VSTM1: variants seen among roughly 807,000 people sequenced by gnomAD.
The protein encoded by VSTM1 is V-set and transmembrane domain-containing protein 1.
A neutral mutation model predicts 33.1 loss-of-function variants in VSTM1; 27 were observed. The ratio of observed to expected loss-of-function variants is 0.82; its 90% CI spans 0.60 to 1.12. The LOEUF (loss-of-function observed/expected upper bound fraction) is 1.12, where lower values mean the gene tolerates loss of function less well. Ranked by LOEUF, VSTM1 falls within the 50% of genes most tolerant of loss-of-function variation. The pLI is 0.00. For missense variants in VSTM1, 304 were observed against 288.9 expected, an observed-to-expected ratio of 1.05 and a Z score of -0.38; for synonymous variants, 115 against 110.3, an observed-to-expected ratio of 1.04 and a Z score of -0.27.
chr19:54,047,441 C>T (rs781772724), intron 4 of VSTM1, among the ~76,000 whole-genome samples: 10 of 151,976 alleles, frequency 6.6e-5, no homozygotes, highest in East Asian at 1.9e-4. Flanking sequence ...TACAAGCACC[C>T]GCCACCTCAC....
intron 1 of VSTM1, among the ~76,000 whole-genome samples, chr19:54,061,719 G>A (rs1376679742): frequency 2.6e-5 from 4 of 152,096 alleles, no homozygotes; most frequent in Admixed American, 6.6e-5. Flanking sequence ...AGAAGGCTGC[G>A]GGGAGGACTG....
intron 3 of VSTM1, among the ~76,000 whole-genome samples, chr19:54,052,662 G>T (rs912197379): frequency 7.0e-6 from 1 of 142,054 alleles, no homozygotes; most frequent in Non-Finnish European, 1.6e-5. Flanking sequence ...TAATTAATTT[G>T]ACTGTGATAA....
rs557559612 is a variant in VSTM1 at position 54,041,458 on chromosome 19, C to T, written c.591+321G>A. Among the ~76,000 whole-genome samples the T allele has an allele frequency of 2.2e-4, 34 of 152,116 alleles. 1 individual carries two copies. The South Asian group carries it at 5.0e-3, about 22-fold the overall frequency. On this transcript the variant is annotated intron_variant, in intron 8 of 8. Coordinates refer to ENST00000338372, the MANE Select transcript of VSTM1 (RefSeq NM_198481.4). ...CTGGGATTACAGGCGCCCACTACCA[C>T]GCCCAGCTAATTTTTTGTATCTTTA...
At chr19:54,058,220 A>C in intron 3 of VSTM1, 86 bp downstream of exon 3, 2 of 1,369,012 alleles carry the variant, frequency 1.5e-6, no homozygotes, top group Non-Finnish European at 2.0e-6. Context: ...AGCCTGGGAG[A>C]CACAGCAAGA....
chr19:54,062,354 G>A (rs1368096441), intron 1 of VSTM1, among the ~76,000 whole-genome samples: 1 of 152,172 alleles, frequency 6.6e-6, no homozygotes, highest in Non-Finnish European at 1.5e-5. Context: ...ATTGGGGGAT[G>A]AGGTCAGTCT....
At chr19:54,052,427 G>A (rs10407326) in intron 3 of VSTM1, among the ~76,000 whole-genome samples, 102,622 of 138,266 alleles carry the variant, frequency 0.74, 42,225 homozygotes, top group African/African-American at 0.77. Context: ...AAATAAAAAT[G>A]AAATGAAATA....
chr19:54,050,861 G>A (rs2070804546), intron 4 of VSTM1, among the ~76,000 whole-genome samples: 1 of 151,574 alleles, frequency 6.6e-6, no homozygotes, highest in Admixed American at 6.6e-5. Flanking sequence ...ATATGGTGGT[G>A]GGTGCCTGTA....
At position 54,058,656 on chromosome 19, in the gene VSTM1, G is replaced by A. The variant is rs191217824; in HGVS notation, c.70+41C>T. ...CGATTAAAGGAAAAGGTCATGAAGC[G>A]TGGGATGCAGGAATAAAAGTTTAAG... On this transcript the variant is annotated intron_variant, in intron 2 of 8. Coordinates refer to ENST00000338372, the MANE Select transcript of VSTM1 (RefSeq NM_198481.4). 43 of 1,613,740 alleles carry A rather than the reference G, an allele frequency of 2.7e-5. No homozygotes were observed. The East Asian group carries it at 4.2e-4, about 16-fold the overall frequency.
At chr19:54,042,109 A>G (rs1002444717) in intron 6 of VSTM1, 60 bp downstream of exon 6, 8 of 1,602,292 alleles carry the variant, frequency 5.0e-6, no homozygotes, top group South Asian at 2.2e-5. Flanking sequence ...GGATGTGCCA[A>G]TGGGTTCCCT....
chr19:54,050,158 C>G (rs1440707002), intron 4 of VSTM1, among the ~76,000 whole-genome samples: 1 of 151,612 alleles, frequency 6.6e-6, no homozygotes, highest in African/African-American at 2.4e-5. Flanking sequence ...ACCACAATGC[C>G]CAGCAAATTT....
rs1323443165 is a variant in VSTM1, at chr19:54,042,381, A to G, written c.395-12T>C. On this transcript the variant is annotated splice_polypyrimidine_tract_variant and intron_variant, in intron 4 of 8. Transcript: ENST00000338372. ...GATGGTTCTGGTGTCTGGAGGGGGA[A>G]GAGCAGGTCAGGGAATCAGCCTGGC... The G allele has an allele frequency of 1.9e-6, 3 of 1,612,104 alleles. No homozygotes were observed. Among genetic ancestry groups the G allele is most frequent in the Non-Finnish European group, 2.5e-6 (3 of 1,179,392 alleles).
At chr19:54,050,859 G>A (rs1568464628) in intron 4 of VSTM1, among the ~76,000 whole-genome samples, 1 of 151,778 alleles carries the variant, frequency 6.6e-6, no homozygotes, top group Non-Finnish European at 1.5e-5. Flanking sequence ...GGATATGGTG[G>A]TGGGTGCCTG....
chr19:54,058,565 G>A lies in VSTM1; in HGVS notation c.96C>T (p.His32=), dbSNP rs746329632. Residue 32 remains histidine (H), a synonymous_variant, in exon 3 of 9, where the codon CAC becomes CAT. Coordinates refer to ENST00000338372, the MANE Select transcript of VSTM1 (RefSeq NM_198481.4). ...KNEKPPKPSL[H]AWPSSVVEAE... ...CTTCAACCACCGAGCTGGGCCAGGC[G>A]TGGAGGGAGGGCTTGGGCGGTTTCT... 61 of 1,613,872 alleles carry A rather than the reference G, an allele frequency of 3.8e-5. No homozygotes were observed. The East Asian group carries it at 5.8e-4, about 15-fold the overall frequency.
chr19:54,042,054 A>G (rs1445576071), intron 6 of VSTM1, 101 bp from the exon 7 acceptor site: 30 of 1,600,396 alleles, frequency 1.9e-5, no homozygotes, highest in Non-Finnish European at 2.4e-5. Context: ...GGAGAGGAGG[A>G]AGGTCACAGA....
chr19:54,052,098 G>A (rs1344723593), intron 3 of VSTM1, among the ~76,000 whole-genome samples: 9 of 151,958 alleles, frequency 5.9e-5, no homozygotes, highest in African/African-American at 1.9e-4. Context: ...TTTAGTCTAA[G>A]TTAAAATATC....
At chr19:54,063,109 G>A (rs1263726251) in intron 1 of VSTM1, among the ~76,000 whole-genome samples, 6 of 152,072 alleles carry the variant, frequency 3.9e-5, no homozygotes, top group Non-Finnish European at 2.9e-5. Flanking sequence ...AGGCTGAGGC[G>A]GGCGGATCAC....
In VSTM1 at chr19:54,058,480, G is replaced by T. The variant is rs772365854; in HGVS notation, c.181C>A (p.Arg61Ser). The part of the protein sequence containing the change: ...AHSQNVTFVL[R>S]KVNDSGYKQE... ...TTGTACCCAGAGTCGTTCACCTTGC[G>T]CAGCACAAATGTCACATTCTGGGAA... Residue 61 changes from arginine to serine, a missense_variant, in exon 3 of 9, where the codon CGC becomes AGC. Arg to Ser is a moderately radical substitution (Grantham distance 110). Transcript: ENST00000338372. 6.2e-7 allele frequency: 1 copy of T among 1,614,006 alleles called. No homozygotes were observed.
Position 54,042,299 on chromosome 19 carries a change from G to T in VSTM1, c.465C>A (p.Ile155=). 1 of 1,613,902 alleles carries T rather than the reference G, an allele frequency of 6.2e-7. No individual in the cohort carries two copies. The highest frequency in any genetic ancestry group is 1.3e-5 in the African/African-American group (1 of 74,876). Residue 155 remains isoleucine (I), a synonymous_variant, in exon 5 of 9, where the codon ATC becomes ATA. Transcript: ENST00000338372. ...CACTGTGCTGGCTGCATCTGTAGAT[G>T]ATGAAGACTGAGAGGAAGAGGAGAA... ...SILLLFLSVF[I]IYRCSQHSSS...
chr19:54,049,796 G>A lies in VSTM1; in HGVS notation c.394+1614C>T, dbSNP rs544702484. ...TTTGGAGGATACCTTTTTGAAAACC[G>A]ATTATACCAGCACAGACTGCTAGCA... On this transcript the variant is annotated intron_variant, in intron 4 of 8. Transcript: ENST00000338372. Among the ~76,000 whole-genome samples, 260 of 152,142 alleles carry A rather than the reference G, an allele frequency of 1.7e-3. 1 individual carries two copies. The highest frequency in any genetic ancestry group is 6.1e-3 in the African/African-American group (254 of 41,510).
Sources: allele counts gnomAD v4.1 joint callset (sites outside exome capture counted in the v4.1 genomes callset), GRCh38; gene constraint gnomAD v4.1.1; transcripts MANE v1.5; gene names NCBI Gene and HGNC (gene_info 2026-07-23, HGNC 2026-07-21).